Variants in ADK observed in about 807,000 individuals in gnomAD.
ADK encodes N6,N6-dimethyladenosine kinase.
Under a neutral mutation model 44.7 loss-of-function variants are expected in ADK, and 24 were observed. The observed-to-expected ratio is 0.54, with a 90% confidence interval of 0.39 to 0.76. ADK has a LOEUF of 0.76. ADK is among the 30% of genes least tolerant of loss of function. The pLI is 0.00. For missense variants in ADK, 321 were observed against 425.1 expected, an observed-to-expected ratio of 0.76 and a Z score of 2.15; for synonymous variants, 128 against 142.6, an observed-to-expected ratio of 0.90 and a Z score of 0.73.
chr10:74,259,566 C>G (rs942379303), intron 3 of ADK, among the ~76,000 whole-genome samples: 1 of 150,698 alleles, frequency 6.6e-6, no homozygotes, highest in Non-Finnish European at 1.5e-5. Context: ...ATGCCATTCT[C>G]CTGCCTCAGC....
chr10:74,576,092 A>G (rs1335315049), intron 7 of ADK, among the ~76,000 whole-genome samples: 1 of 152,198 alleles, frequency 6.6e-6, no homozygotes, highest in Non-Finnish European at 1.5e-5. Context: ...AAAAAAAAGT[A>G]AAGAGAAAAG....
At chr10:74,681,161 T>C (rs998573315) in intron 10 of ADK, among the ~76,000 whole-genome samples, 1 of 152,222 alleles carries the variant, frequency 6.6e-6, no homozygotes, top group African/African-American at 2.4e-5. Flanking sequence ...AACTATATCA[T>C]TTAGAGTGTT....
intron 9 of ADK, among the ~76,000 whole-genome samples, chr10:74,634,996 C>A (rs984876661): frequency 7.9e-5 from 12 of 151,974 alleles, no homozygotes; most frequent in African/African-American, 2.4e-4. Context: ...ACCTTTAGGA[C>A]AACAGCAAAA....
Position 74,351,056 on chromosome 10 carries a change from G to A in ADK, c.273+36311G>A, listed in dbSNP as rs371593526. ...CTATTCCAAACAATTGAAAAAGAGG[G>A]AGTCCTCCCTAACTCATTTTATGAA... is the stretch of plus-strand genomic sequence containing the variant. On this transcript the variant is annotated intron_variant, in intron 4 of 10. Transcript: ENST00000539909. Among the ~76,000 whole-genome samples, 35 of 152,258 alleles carry A rather than the reference G, an allele frequency of 2.3e-4. 1 individual carries two copies. Among genetic ancestry groups the A allele is most frequent in the Middle Eastern group, 6.8e-3 (2 of 294 alleles).
chr10:74,218,425 A>T (rs1328237135), intron 2 of ADK, among the ~76,000 whole-genome samples: 7 of 152,354 alleles, frequency 4.6e-5, no homozygotes, highest in African/African-American at 1.7e-4. Flanking sequence ...GGAGAATGGA[A>T]CCAAGTTGGA....
chr10:74,349,376 T>A, intron 4 of ADK, among the ~76,000 whole-genome samples: 1 of 152,186 alleles, frequency 6.6e-6, no homozygotes, highest in East Asian at 1.9e-4. Flanking sequence ...AGGGATTTTG[T>A]CACCACCAGG....
intron 9 of ADK, among the ~76,000 whole-genome samples, chr10:74,612,409 C>G (rs963270516): frequency 3.3e-5 from 5 of 152,094 alleles, no homozygotes; most frequent in African/African-American, 1.2e-4. Flanking sequence ...ACATGAGTCA[C>G]CATGCCTAGC....
At chr10:74,479,342 C>T (rs565512901) in intron 6 of ADK, among the ~76,000 whole-genome samples, 1 of 151,452 alleles carries the variant, frequency 6.6e-6, no homozygotes, top group South Asian at 2.1e-4. Flanking sequence ...CTACTATTCC[C>T]ACTGGCCTGG....
At chr10:74,227,011 A>T (rs1177433515) in intron 3 of ADK, among the ~76,000 whole-genome samples, 1 of 152,218 alleles carries the variant, frequency 6.6e-6, no homozygotes, top group Non-Finnish European at 1.5e-5. Context: ...AATTTCATGA[A>T]TTATGAAAGC....
At chr10:74,388,311 T>C (rs1228598124) in intron 4 of ADK, among the ~76,000 whole-genome samples, 1 of 152,248 alleles carries the variant, frequency 6.6e-6, no homozygotes, top group African/African-American at 2.4e-5. Flanking sequence ...TTAGTTTTTC[T>C]CACACCCACA....
intron 4 of ADK, among the ~76,000 whole-genome samples, chr10:74,386,074 G>A (rs1843130252): frequency 6.6e-6 from 1 of 152,094 alleles, no homozygotes; most frequent in Non-Finnish European, 1.5e-5. Flanking sequence ...TCACTTGGTG[G>A]TATTGTAATC....
chr10:74,634,738 A>C (rs1385498279), intron 9 of ADK, among the ~76,000 whole-genome samples: 1 of 151,820 alleles, frequency 6.6e-6, no homozygotes, highest in African/African-American at 2.4e-5. Context: ...TGAAGTCAGG[A>C]GTTCGAGACC....
rs926277787 is a variant in ADK, at chr10:74,634,957, CCA to C, written c.877+34467_877+34468del. ...CAAGACTCCATCTCAGAAAAAAAAC[CCA>C]CAAAAACAGAGAACAGAGCTTCCTT... On this transcript the variant is annotated intron_variant, in intron 9 of 10. Transcript: ENST00000539909. Among the ~76,000 whole-genome samples the C allele has an allele frequency of 9.2e-5, 14 of 151,996 alleles. No homozygotes were observed. The South Asian group carries it at 1.0e-3, about 11-fold the overall frequency.
At chr10:74,507,066 T>A (rs1848106188) in intron 6 of ADK, among the ~76,000 whole-genome samples, 1 of 152,208 alleles carries the variant, frequency 6.6e-6, no homozygotes, top group Non-Finnish European at 1.5e-5. Flanking sequence ...TTATATGTAT[T>A]TTTCTTAACT....
chr10:74,358,054 G>A (rs1842204641), intron 4 of ADK, among the ~76,000 whole-genome samples: 1 of 152,116 alleles, frequency 6.6e-6, no homozygotes, highest in African/African-American at 2.4e-5. Context: ...ATTTTTCTCA[G>A]TACTTTTGAT....
intron 7 of ADK, among the ~76,000 whole-genome samples, chr10:74,559,574 T>C (rs943410184): frequency 6.6e-6 from 1 of 152,220 alleles, no homozygotes; most frequent in Non-Finnish European, 1.5e-5. Context: ...TGCCAATTCT[T>C]AGTAAAGGAA....
intron 1 of ADK, among the ~76,000 whole-genome samples, chr10:74,156,802 T>C: frequency 6.6e-6 from 1 of 152,132 alleles, no homozygotes; most frequent in East Asian, 1.9e-4. Context: ...GTAAAATGGG[T>C]ATAGTAATAG....
intron 7 of ADK, among the ~76,000 whole-genome samples, chr10:74,565,130 A>G (rs537011241): frequency 1.3e-5 from 2 of 152,308 alleles, no homozygotes; most frequent in South Asian, 4.1e-4. Context: ...TGGGACTGTA[A>G]ATTATTCAAA....
intron 4 of ADK, among the ~76,000 whole-genome samples, chr10:74,353,915 T>G (rs1842050659): frequency 6.6e-6 from 1 of 152,210 alleles, no homozygotes; most frequent in Admixed American, 6.5e-5. Flanking sequence ...TAGAGTTCTT[T>G]GAGAATTTAA....
Sources: gnomAD v4.1 joint callset for allele counts (sites outside exome capture counted in the v4.1 genomes callset) on GRCh38, gnomAD v4.1.1 for gene constraint, MANE v1.5 for transcripts, NCBI Gene and HGNC (gene_info 2026-07-23, HGNC 2026-07-21) for gene names.